The following GTF3C5 variants were observed in gnomAD, a reference collection of about 807,000 sequenced individuals.
The protein encoded by GTF3C5 is general transcription factor 3C polypeptide 5.
Under a neutral mutation model 61.0 loss-of-function variants are expected in GTF3C5, and 47 were observed. That is an observed-to-expected ratio of 0.77 (90% CI 0.61 to 0.98). GTF3C5 has a LOEUF of 0.98. Ranked by LOEUF, GTF3C5 falls within the 50% of genes least tolerant of loss-of-function variation. The probability of loss-of-function intolerance (pLI) is 0.00; values close to 1 mark genes in which losing one functional copy is unlikely to be tolerated. For synonymous variants in GTF3C5, 295 were observed against 275.4 expected (o/e 1.07, Z -0.71); for missense variants, 659 against 703.3 (o/e 0.94, Z 0.71).
At chr9:133,036,734 A>G (rs966056151) in intron 1 of GTF3C5, among the ~76,000 whole-genome samples, 2 of 152,140 alleles carry the variant, frequency 1.3e-5, no homozygotes, top group South Asian at 2.1e-4. Context: ...TTTAGGGCAT[A>G]TGAGTCAATC....
chr9:133,047,026 C>G (rs934505010), intron 3 of GTF3C5, among the ~76,000 whole-genome samples: 1 of 152,104 alleles, frequency 6.6e-6, no homozygotes, highest in Non-Finnish European at 1.5e-5. Flanking sequence ...CTAGTAGCCC[C>G]CACGTGCCCA....
Position 133,057,884 on chromosome 9 carries a change from G to A in GTF3C5, c.1464G>A (p.Glu488=), listed in dbSNP as rs745972191. ...TGACGTACGAGTCTGGGGAAGACGA[G>A]GAGGATGAGGAGGAGGAGGAAGAGG... ...EQLTYESGED[E]EDEEEEEEEE... The change falls in exon 11 of 11, where the codon GAG becomes GAA. Residue 488 remains glutamate, a synonymous_variant. Transcript: ENST00000372097. 7.9e-5 allele frequency: 128 copies of A among 1,613,562 alleles called. 1 individual carries two copies. The highest frequency in any genetic ancestry group is 1.1e-4 in the Non-Finnish European group (125 of 1,179,848).
intron 3 of GTF3C5, among the ~76,000 whole-genome samples, chr9:133,049,777 T>G (rs1850315775): frequency 6.6e-6 from 1 of 152,226 alleles, no homozygotes; most frequent in Admixed American, 6.5e-5. Context: ...GTATGTGTTT[T>G]AAGACTTTAT....
At chr9:133,037,394 G>A (rs533980060) in intron 1 of GTF3C5, among the ~76,000 whole-genome samples, 2 of 152,226 alleles carry the variant, frequency 1.3e-5, no homozygotes, top group East Asian at 1.9e-4. Flanking sequence ...GGACACACCG[G>A]GTTCAAGGAG....
intron 5 of GTF3C5, among the ~76,000 whole-genome samples, chr9:133,053,011 T>C (rs80160195): frequency 6.6e-6 from 1 of 152,058 alleles, no homozygotes; most frequent in Non-Finnish European, 1.5e-5. Flanking sequence ...TTTCTTTTTT[T>C]GCATTTTTAG....
chr9:133,042,270 A>T lies in GTF3C5; in HGVS notation c.337A>T (p.Ile113Phe), dbSNP rs771313279. 6.2e-7 allele frequency: 1 copy of T among 1,611,628 alleles called. No homozygotes were observed. The highest frequency in any genetic ancestry group is 1.7e-5 in the Admixed American group (1 of 60,034). The change falls in exon 2 of 11, where the codon ATC (isoleucine) becomes TTC (phenylalanine). Residue 113 changes from isoleucine to phenylalanine, a missense_variant. Physicochemically the swap from Ile to Phe is conservative, Grantham distance 21. Coordinates refer to ENST00000372097, the MANE Select transcript of GTF3C5 (RefSeq NM_012087.4). ...AHSEVTFDME[I>F]LGIISTIYKF... The stretch of plus-strand genomic sequence containing the variant: ...CTCCGAGGTCACATTTGACATGGAG[A>T]TCCTTGGCATCATCTCCACCATTTA...
In GTF3C5 at chr9:133,043,938, C is replaced by A. The variant is rs527961085; in HGVS notation, c.572+12C>A. 1.9e-6 allele frequency: 3 copies of A among 1,599,830 alleles called. No individual in the cohort carries two copies. The highest frequency in any genetic ancestry group is 1.7e-5 in the Admixed American group (1 of 59,882). On this transcript the variant is annotated intron_variant, in intron 3 of 10. Coordinates refer to ENST00000372097, the MANE Select transcript of GTF3C5 (RefSeq NM_012087.4). The stretch of plus-strand genomic sequence containing the variant: ...GAGACCCAGCACCGGTAAGGCCCCC[C>A]TCCATGCAGCCTCGGTTCTCTATCC...
rs781097206 is a variant in GTF3C5 at position 133,050,886 on chromosome 9, G to A, written c.676G>A (p.Val226Met). Residue 226 changes from valine to methionine, a missense_variant, in exon 4 of 11, where the codon GTG becomes ATG. Coordinates refer to ENST00000372097, the MANE Select transcript of GTF3C5 (RefSeq NM_012087.4). ...CTTTGTCAACTTTGAGGATGAGGAG[G>A]TGCCCAAGCAGCCACTGGAGGCTGC... ...AIFVNFEDEEVPKQPLEAAAQ... is the reference protein window; with the variant it reads ...AIFVNFEDEEMPKQPLEAAAQ... 5 of 1,613,702 alleles carry A rather than the reference G, an allele frequency of 3.1e-6. No homozygotes were observed. Among genetic ancestry groups the A allele is most frequent in the East Asian group, 4.5e-5 (2 of 44,824 alleles).
intron 1 of GTF3C5, among the ~76,000 whole-genome samples, chr9:133,036,119 G>A (rs1441154390): frequency 6.6e-6 from 1 of 152,120 alleles, no homozygotes; most frequent in Non-Finnish European, 1.5e-5. Flanking sequence ...CAGTTACCTG[G>A]GAAGAGCCAT....
intron 8 of GTF3C5, chr9:133,055,068 G>T: frequency 1.3e-6 from 2 of 1,551,392 alleles, no homozygotes; most frequent in Non-Finnish European, 1.7e-6. Flanking sequence ...GCTGCATGTG[G>T]TTGTCCTTCT....
chr9:133,043,502 A>T (rs1850097649), intron 2 of GTF3C5, among the ~76,000 whole-genome samples: 1 of 152,328 alleles, frequency 6.6e-6, no homozygotes, highest in Non-Finnish European at 1.5e-5. Flanking sequence ...CTCACCTATC[A>T]TGTAGCTCCC....
Position 133,042,084 on chromosome 9 carries a change from C to T in GTF3C5, c.154-3C>T, listed in dbSNP as rs1165856297. The T allele has an allele frequency of 2.5e-6, 4 of 1,610,674 alleles. No individual in the cohort carries two copies. The highest frequency in any genetic ancestry group is 3.4e-6 in the Non-Finnish European group (4 of 1,177,806). On this transcript the variant is annotated splice_polypyrimidine_tract_variant and splice_region_variant and intron_variant, in intron 1 of 10. Coordinates refer to ENST00000372097, the MANE Select transcript of GTF3C5 (RefSeq NM_012087.4). ...CACTCTGTCTCCTTTGGCCTTGCCA[C>T]AGATCTACGCAGACCCCACCAAGAG...
At position 133,053,646 on chromosome 9, in the gene GTF3C5, G is replaced by C. The variant is rs148390405; in HGVS notation, c.874-182G>C. Among the ~76,000 whole-genome samples the C allele has an allele frequency of 5.3e-3, 800 of 152,332 alleles. 7 individuals carry two copies. The highest frequency in any genetic ancestry group is 0.015 in the African/African-American group (633 of 41,566). ...TCCCTCCATCTGACAGGAAGACCAA[G>C]GTTTGGAAAGGCCACGTGCCCTCAC... On this transcript the variant is annotated intron_variant, in intron 5 of 10. Coordinates refer to ENST00000372097, the MANE Select transcript of GTF3C5 (RefSeq NM_012087.4).
At chr9:133,056,234 A>G in intron 9 of GTF3C5, 140 bp downstream of exon 9, 4 of 697,980 alleles carry the variant, frequency 5.7e-6, no homozygotes, top group Non-Finnish European at 9.7e-6. Context: ...GGTGCTGCCG[A>G]GAGCCCTGGC....
chr9:133,055,148 A>G (rs1564204860), intron 8 of GTF3C5: 13 of 1,545,820 alleles, frequency 8.4e-6, no homozygotes, highest in Non-Finnish European at 1.0e-5. Flanking sequence ...AATTGGGCAC[A>G]CACAGGAGGA....
At chr9:133,054,347 C>A in intron 6 of GTF3C5, 61 bp from the exon 7 acceptor site, 1 of 1,370,632 alleles carries the variant, frequency 7.3e-7, no homozygotes, top group Non-Finnish European at 1.0e-6. Flanking sequence ...AGTGTGAAGC[C>A]AGTGTTGTGT....
chr9:133,036,007 A>G (rs1484479638), intron 1 of GTF3C5, among the ~76,000 whole-genome samples: 2 of 152,220 alleles, frequency 1.3e-5, no homozygotes, highest in African/African-American at 4.8e-5. Flanking sequence ...ATTGCAAACA[A>G]TTCACATGTT....
At chr9:133,030,789 T>G, upstream of GTF3C5, 1 of 646,972 alleles carries the variant, frequency 1.5e-6, no homozygotes, top group South Asian at 1.7e-5. Context: ...TCGCTTAATT[T>G]TAAATAAAAA....
At chr9:133,057,726 A>G (rs1049766305) in intron 10 of GTF3C5, 88 bp from the exon 11 acceptor site, 15 of 1,296,414 alleles carry the variant, frequency 1.2e-5, no homozygotes, top group Non-Finnish European at 1.6e-5. Flanking sequence ...TTATAGTAGT[A>G]AACAGGCTCC....
Sources: gnomAD v4.1 joint callset for allele counts (sites outside exome capture counted in the v4.1 genomes callset) on GRCh38, gnomAD v4.1.1 for gene constraint, MANE v1.5 for transcripts, NCBI Gene and HGNC (gene_info 2026-07-23, HGNC 2026-07-21) for gene names.